NEMP2: variants seen among roughly 807,000 people sequenced by gnomAD.
NEMP2 encodes UPF0571 transmembrane protein.
A neutral mutation model predicts 54.2 loss-of-function variants in NEMP2; 53 were observed. The observed-to-expected ratio is 0.98, with a 90% confidence interval of 0.78 to 1.23. The LOEUF (loss-of-function observed/expected upper bound fraction) is 1.23. Among genes scored for constraint, NEMP2 ranks in the 50% most tolerant of loss-of-function variants. The probability of loss-of-function intolerance (pLI) is 0.00; values close to 1 mark genes in which losing one functional copy is unlikely to be tolerated. For synonymous variants in NEMP2, 197 were observed against 190.3 expected, an observed-to-expected ratio of 1.04 and a Z score of -0.29; for missense variants, 455 against 511.3, an observed-to-expected ratio of 0.89 and a Z score of 1.06.
At chr2:190,473,917 A>G in the NEMP2 span, among the ~76,000 whole-genome samples, 1 of 152,238 alleles carries the variant, frequency 6.6e-6, no homozygotes, top group African/African-American at 2.4e-5. Context: ...AAACTCACTC[A>G]AAACTGCTCA....
At position 190,510,246 on chromosome 2, in the gene NEMP2, C is replaced by A. The variant is rs906569473; in HGVS notation, c.1130+115G>T. ...GGACCTCTGACAACTTCCACATCAT[C>A]TGTTATCCAGGGAAACAGTCTATTT... On this transcript the variant is annotated intron_variant, in intron 8 of 8. Transcript: ENST00000409150. This position sits in a 1 kb window ranked among gnomAD's most constrained non-coding sequence, Gnocchi z 5.7. The A allele has an allele frequency of 9.5e-6, 12 of 1,257,420 alleles. No individual in the cohort carries two copies. The South Asian group carries it at 1.1e-4, about 11-fold the overall frequency. 77.9% of individuals were successfully genotyped at this position (1,257,420 alleles called of 1,614,324 possible).
At chr2:190,473,346 C>T in the NEMP2 span, among the ~76,000 whole-genome samples, 1 of 152,180 alleles carries the variant, frequency 6.6e-6, no homozygotes, top group African/African-American at 2.4e-5. Flanking sequence ...AAACCCATCT[C>T]ACGTGCAGAA....
the NEMP2 span, among the ~76,000 whole-genome samples, chr2:190,478,619 C>G: frequency 1.3e-5 from 2 of 152,118 alleles, no homozygotes; most frequent in African/African-American, 4.8e-5. Context: ...AAACAAATCA[C>G]TGAATGATTT....
downstream of NEMP2, among the ~76,000 whole-genome samples, chr2:190,503,202 AG>A (rs1321769679): frequency 6.6e-6 from 1 of 152,182 alleles, no homozygotes; most frequent in Non-Finnish European, 1.5e-5. The surrounding 1 kb of genome is among the most constrained non-coding windows in gnomAD (Gnocchi z 6.3). Context: ...TCTGCAGGTG[AG>A]TTGGCTGGAC....
chr2:190,605,748 T>C, the NEMP2 span, among the ~76,000 whole-genome samples: 1 of 152,336 alleles, frequency 6.6e-6, no homozygotes, highest in East Asian at 1.9e-4. Context: ...GGCCATCTTC[T>C]ATGTGCCAAA....
chr2:190,585,028 C>A, the NEMP2 span, among the ~76,000 whole-genome samples: 4 of 152,266 alleles, frequency 2.6e-5, no homozygotes, highest in Non-Finnish European at 4.4e-5. This position sits in a 1 kb window ranked among gnomAD's most constrained non-coding sequence, Gnocchi z 5.3. Context: ...ATGTTGATAT[C>A]CCTGAGAAAC....
the NEMP2 span, chr2:190,628,446 T>A: frequency 6.6e-6 from 1 of 152,206 alleles, no homozygotes; most frequent in Non-Finnish European, 1.5e-5. The surrounding 1 kb of genome is among the most constrained non-coding windows in gnomAD (Gnocchi z 4.1). Context: ...TGCTCTTAAC[T>A]AGCAATATTT....
chr2:190,579,211 G>T, the NEMP2 span, among the ~76,000 whole-genome samples: 1 of 151,876 alleles, frequency 6.6e-6, no homozygotes, highest in Admixed American at 6.6e-5. Flanking sequence ...CTAGTAACAA[G>T]AAAGAAAACA....
At chr2:190,438,846 A>G in the NEMP2 span, among the ~76,000 whole-genome samples, 4 of 152,214 alleles carry the variant, frequency 2.6e-5, no homozygotes, top group African/African-American at 9.7e-5. The surrounding 1 kb of genome is among the most constrained non-coding windows in gnomAD (Gnocchi z 5.2). Context: ...TTCTAATTTA[A>G]AGTTTCAACC....
chr2:190,627,542 T>A, the NEMP2 span, among the ~76,000 whole-genome samples: 2 of 152,018 alleles, frequency 1.3e-5, no homozygotes, highest in African/African-American at 2.4e-5. This position sits in a 1 kb window ranked among gnomAD's most constrained non-coding sequence, Gnocchi z 4.4. Context: ...AATAACATAT[T>A]CATATTACAT....
At position 190,514,352 on chromosome 2, in the gene NEMP2, A is replaced by G; in HGVS notation, c.953+101T>C. 8.8e-7 allele frequency: 1 copy of G among 1,134,294 alleles called. No individual in the cohort carries two copies. The allele number at this position is 1,134,294 out of a possible 1,614,324, so 70.3% of individuals were successfully genotyped here. On this transcript the variant is annotated intron_variant, in intron 7 of 8. Transcript: ENST00000409150. The surrounding 1 kb of genome is among the most constrained non-coding windows in gnomAD (Gnocchi z 5.7). Reference sequence around the variant, plus strand: ...GCTCAGAATGAAATCTCCAGATCAAATGTAATTATGAGATTAACATGATGT... The same window carrying G: ...GCTCAGAATGAAATCTCCAGATCAAGTGTAATTATGAGATTAACATGATGT...
In NEMP2 at chr2:190,514,824, G is replaced by T; in HGVS notation, c.728-146C>A. 1 of 720,710 alleles carries T rather than the reference G, an allele frequency of 1.4e-6. No homozygotes were observed. The highest frequency in any genetic ancestry group is 2.3e-6 in the Non-Finnish European group (1 of 433,468). 44.6% of individuals were successfully genotyped at this position (720,710 alleles called of 1,614,324 possible). On this transcript the variant is annotated intron_variant, in intron 6 of 8. Coordinates refer to ENST00000409150, the MANE Select transcript of NEMP2 (RefSeq NM_001142645.2). This position sits in a 1 kb window ranked among gnomAD's most constrained non-coding sequence, Gnocchi z 5.7. ...ACCCCATAAAGTAAGGTTGAAAAAT[G>T]CACATAGGGTGTTATTCCTTCCATA...
the NEMP2 span, chr2:190,626,072 T>C: frequency 6.5e-6 from 1 of 152,760 alleles, no homozygotes; most frequent in Non-Finnish European, 1.5e-5. This position sits in a 1 kb window ranked among gnomAD's most constrained non-coding sequence, Gnocchi z 4.5. Flanking sequence ...GCTTACCAGT[T>C]TATAGACTGT....
At chr2:190,534,001 G>T in intron 1 of NEMP2, 1 of 985,310 alleles carries the variant, frequency 1.0e-6, no homozygotes, top group Non-Finnish European at 1.2e-6. Flanking sequence ...AACCTTGTGA[G>T]GCCTCATTAC....
At chr2:190,534,906 C>CGGCCTCGGCCTCGGCCTCGGCCTT (rs1237708834), upstream of NEMP2, 5 of 332,156 alleles carry the variant, frequency 1.5e-5, no homozygotes, top group East Asian at 4.5e-5. Context: ...GGCATGCTCC[C>CGGCCTCGGCCTCGGCCTCGGCCTT]GGCCTCGGCC....
chr2:190,472,079 AC>A, the NEMP2 span, among the ~76,000 whole-genome samples: 1 of 152,094 alleles, frequency 6.6e-6, no homozygotes, highest in Non-Finnish European at 1.5e-5. Flanking sequence ...CCACACCAAA[AC>A]CCCATCTGTA....
the NEMP2 span, among the ~76,000 whole-genome samples, chr2:190,563,180 G>A: frequency 1.1e-3 from 172 of 152,218 alleles, no homozygotes; most frequent in African/African-American, 4.0e-3. The surrounding 1 kb of genome is among the most constrained non-coding windows in gnomAD (Gnocchi z 4.3). Flanking sequence ...TATGCAAGGT[G>A]GCTTTGTGCT....
Position 190,514,382 on chromosome 2 carries a change from A to T in NEMP2, c.953+71T>A. On this transcript the variant is annotated intron_variant, in intron 7 of 8. Coordinates refer to ENST00000409150, the MANE Select transcript of NEMP2 (RefSeq NM_001142645.2). The surrounding 1 kb of genome is among the most constrained non-coding windows in gnomAD (Gnocchi z 5.7). ...ATTATGAGATTAACATGATGTGTGC[A>T]AACACTCTCCCAAATAATAAAACTA... 3 of 1,306,806 alleles carry T rather than the reference A, an allele frequency of 2.3e-6. No individual in the cohort carries two copies. Among genetic ancestry groups the T allele is most frequent in the Non-Finnish European group, 2.2e-6 (2 of 927,812 alleles). 81.0% of individuals were successfully genotyped at this position (1,306,806 alleles called of 1,614,324 possible).
chr2:190,571,513 A>G, the NEMP2 span, among the ~76,000 whole-genome samples: 26 of 152,154 alleles, frequency 1.7e-4, no homozygotes, highest in Middle Eastern at 3.4e-3. Context: ...ACTGCACTTC[A>G]GTCTGGGTGA....
Sources: gnomAD v4.1 joint callset for allele counts (sites outside exome capture counted in the v4.1 genomes callset) on GRCh38, gnomAD v4.1.1 for gene constraint, Gnocchi (gnomAD v3.1) non-coding constraint, MANE v1.5 for transcripts, NCBI Gene and HGNC (gene_info 2026-07-23, HGNC 2026-07-21) for gene names.